Variants in NFILZ observed in about 807,000 individuals in gnomAD.
The protein encoded by NFILZ is NFIL3 like protein.
intron 3 of NFILZ, among the ~76,000 whole-genome samples, chr19:8,651,459 A>C (rs10408668): frequency 0.017 from 2,551 of 151,034 alleles, 71 homozygotes; most frequent in African/African-American, 0.059. Context: ...ACTGCGCCCG[A>C]CCTTCAATAA....
intron 3 of NFILZ, among the ~76,000 whole-genome samples, chr19:8,664,473 A>G (rs1186892672): frequency 7.0e-6 from 1 of 143,618 alleles, no homozygotes; most frequent in Non-Finnish European, 1.5e-5. Flanking sequence ...GAGGCTCAGG[A>G]GGTGCCGGGG....
chr19:8,656,386 TTCTCCCGCAGCCCAC>T lies in NFILZ; in HGVS notation c.-163-18164_-163-18150del, dbSNP rs2042998484. 2.8e-3 allele frequency among the ~76,000 whole-genome samples: 393 copies of T among 140,068 alleles called. 8 individuals carry two copies. Among genetic ancestry groups the T allele is most frequent in the East Asian group, 0.012 (57 of 4,876 alleles). 91.9% of individuals were successfully genotyped at this position (140,068 alleles called of 152,430 possible). The stretch of plus-strand genomic sequence containing the variant: ...GCCCACCTTCTCCCTGAAGCCCACC[TTCTCCCGCAGCCCAC>T]CTTCTCTCTGAAACCCACCTCTTTC... On this transcript the variant is annotated intron_variant, in intron 3 of 5. Coordinates refer to ENST00000691075, the MANE Select transcript of NFILZ (RefSeq NM_001378600.1).
chr19:8,656,350 T>TCCTCCCTGAAGCCCC lies in NFILZ; in HGVS notation c.-163-18200_-163-18199insCTCCCTGAAGCCCCC, dbSNP rs2042996690. 1.3e-4 allele frequency among the ~76,000 whole-genome samples: 13 copies of TCCTCCCTGAAGCCCC among 103,938 alleles called. 3 individuals are homozygous for TCCTCCCTGAAGCCCC. In the East Asian group the frequency reaches 2.3e-3, roughly 18 times the overall value. 68.2% of individuals were successfully genotyped at this position (103,938 alleles called of 152,430 possible). ...AGCCCCCTTCTTCCTGAAGCCCACC[T>TCCTCCCTGAAGCCCC]CTTCCCTGAAGCCCACCTTCTCCCT... On this transcript the variant is annotated intron_variant, in intron 3 of 5. Transcript: ENST00000691075.
Position 8,652,993 on chromosome 19 carries a change from TTC to T in NFILZ, c.-164+17248_-164+17249del, listed in dbSNP as rs2042973095. Among the ~76,000 whole-genome samples, 414 of 41,472 alleles carry T rather than the reference TTC, an allele frequency of 1.0e-2. 8 individuals are homozygous for T. The highest frequency in any genetic ancestry group is 0.013 in the Non-Finnish European group (285 of 22,800). The allele number at this position is 41,472 out of a possible 152,430, so 27.2% of individuals were successfully genotyped here. On this transcript the variant is annotated intron_variant, in intron 3 of 5. Transcript: ENST00000691075. ...CCTCCTTCCTTCCTTCCTTCCTTCC[TTC>T]CTTCCTTCCTTCCTTCCTTTCTTTC... is the stretch of plus-strand genomic sequence containing the variant.
At chr19:8,652,188 C>T (rs2042967510) in intron 3 of NFILZ, among the ~76,000 whole-genome samples, 1 of 151,664 alleles carries the variant, frequency 6.6e-6, no homozygotes, top group Admixed American at 6.6e-5. Flanking sequence ...CTGCCAGCTC[C>T]GCTTCCCAGG....
intron 3 of NFILZ, among the ~76,000 whole-genome samples, chr19:8,656,392 C>CACA (rs1253061737): frequency 6.6e-5 from 2 of 30,286 alleles, no homozygotes; most frequent in South Asian, 1.3e-3. Flanking sequence ...CACCTTCTCC[C>CACA]GCAGCCCACC....
At chr19:8,657,651 C>T (rs553024421) in intron 3 of NFILZ, among the ~76,000 whole-genome samples, 103 of 152,250 alleles carry the variant, frequency 6.8e-4, no homozygotes, top group African/African-American at 2.3e-3. Flanking sequence ...CTCTCTCCGT[C>T]TCTACCTCTT....
At position 8,647,784 on chromosome 19, in the gene NFILZ, C is replaced by CACACAT. The variant is rs880003000; in HGVS notation, c.-164+12038_-164+12039insACACAT. ...ACACACACACACGCACACATGCGCG[C>CACACAT]GCGCGCGCGCGCACACACACACACA... On this transcript the variant is annotated intron_variant, in intron 3 of 5. Transcript: ENST00000691075. 9.3e-4 allele frequency among the ~76,000 whole-genome samples: 82 copies of CACACAT among 88,022 alleles called. 1 individual carries two copies. Among genetic ancestry groups the CACACAT allele is most frequent in the East Asian group, 1.4e-3 (4 of 2,944 alleles). 57.7% of individuals were successfully genotyped at this position (88,022 alleles called of 152,430 possible).
intron 3 of NFILZ, among the ~76,000 whole-genome samples, chr19:8,663,739 T>TGTGTGTGTGTGTATGTGTGTGTGTGTGG: frequency 7.2e-6 from 1 of 138,478 alleles, no homozygotes; most frequent in Non-Finnish European, 1.6e-5. Flanking sequence ...TGTGTGTGTG[T>TGTGTGTGTGTGTATGTGTGTGTGTGTGG]GTGTGTGTGT....
chr19:8,660,166 A>T (rs1268970996), intron 3 of NFILZ, among the ~76,000 whole-genome samples: 4 of 152,130 alleles, frequency 2.6e-5, no homozygotes, highest in Non-Finnish European at 5.9e-5. Flanking sequence ...CACCAAACCC[A>T]CCTGTGACTA....
chr19:8,649,368 C>T (rs1177155053), intron 3 of NFILZ, among the ~76,000 whole-genome samples: 6 of 151,594 alleles, frequency 4.0e-5, no homozygotes, highest in African/African-American at 4.9e-5. Flanking sequence ...CGAGTTCAAG[C>T]GATTCTTCTA....
chr19:8,659,940 C>T (rs183406503), intron 3 of NFILZ, among the ~76,000 whole-genome samples: 5 of 152,302 alleles, frequency 3.3e-5, no homozygotes, highest in Non-Finnish European at 2.9e-5. Context: ...CCGGAAGACA[C>T]TTCTTTCAGT....
Position 8,677,034 on chromosome 19 carries a change from C to T in NFILZ, c.269C>T (p.Ala90Val), listed in dbSNP as rs565802771. ...ENALLKGELK[A>V]LKLRFGLLPL... is the part of the protein sequence containing the mutation. ...GCCCTGCTCAAGGGTGAGCTGAAGG[C>T]GCTCAAGCTTCGCTTTGGCCTCCTG... Residue 90 changes from alanine to valine, a missense_variant, in exon 6 of 6, where the codon GCG becomes GTG. Ala to Val is a moderately conservative substitution (Grantham distance 64). Transcript: ENST00000691075. The T allele has an allele frequency of 2.2e-3, 331 of 152,702 alleles. No homozygotes were observed. Among genetic ancestry groups the T allele is most frequent in the Non-Finnish European group, 4.0e-3 (275 of 68,290 alleles). 9.5% of individuals were successfully genotyped at this position (152,702 alleles called of 1,614,324 possible). A position where few individuals can be genotyped will look rare whatever the true frequency, so the allele number is the denominator to read the frequency against.
Position 8,631,830 on chromosome 19 carries a change from T to TTATGTGTGTG in NFILZ, c.-410-645_-410-644insATGTGTGTGT, listed in dbSNP as rs367777602. ...GGCTTGGTCACTCCAGTCCTCGCTTTTGTGTGTGTGTGTGTGTGTGTGTGT... is the reference window on the plus strand; with the variant it reads ...GGCTTGGTCACTCCAGTCCTCGCTTTTATGTGTGTGTGTGTGTGTGTGTGTGTGTGTGTGT... On this transcript the variant is annotated intron_variant, in intron 1 of 5. Coordinates refer to ENST00000691075, the MANE Select transcript of NFILZ (RefSeq NM_001378600.1). Among the ~76,000 whole-genome samples, 560 of 146,002 alleles carry TTATGTGTGTG rather than the reference T, an allele frequency of 3.8e-3. 8 individuals carry two copies. The highest frequency in any genetic ancestry group is 0.015 in the East Asian group (70 of 4,786).
At chr19:8,673,367 A>T (rs530253059) in intron 3 of NFILZ, among the ~76,000 whole-genome samples, 6 of 152,272 alleles carry the variant, frequency 3.9e-5, no homozygotes, top group East Asian at 1.9e-4. Context: ...GCTACCAGGA[A>T]CAAAGCTCAG....
intron 3 of NFILZ, among the ~76,000 whole-genome samples, chr19:8,636,679 A>T (rs1346865738): frequency 2.0e-5 from 3 of 149,950 alleles, no homozygotes; most frequent in Non-Finnish European, 3.0e-5. Flanking sequence ...CTGGCCTTGA[A>T]CTCCCGACCT....
At chr19:8,650,392 C>A (rs893414674) in intron 3 of NFILZ, among the ~76,000 whole-genome samples, 1 of 152,056 alleles carries the variant, frequency 6.6e-6, no homozygotes, top group African/African-American at 2.4e-5. Flanking sequence ...CGGTGGCTCA[C>A]GCCTGTAATC....
intron 3 of NFILZ, among the ~76,000 whole-genome samples, chr19:8,669,919 T>C (rs1437135781): frequency 2.0e-5 from 3 of 152,106 alleles, no homozygotes; most frequent in Non-Finnish European, 4.4e-5. Context: ...GTTGTGGGAA[T>C]AGGGAAATGT....
chr19:8,650,596 G>A (rs1356732956), intron 3 of NFILZ, among the ~76,000 whole-genome samples: 1 of 150,468 alleles, frequency 6.6e-6, no homozygotes, highest in Non-Finnish European at 1.5e-5. Flanking sequence ...GGAGGTTACA[G>A]CGAGCAAAGA....
Sources: allele counts gnomAD v4.1 joint callset (sites outside exome capture counted in the v4.1 genomes callset), GRCh38; gene constraint gnomAD v4.1.1; transcripts MANE v1.5; gene names NCBI Gene and HGNC (gene_info 2026-07-23, HGNC 2026-07-21).